The following ZNF341 variants were observed in gnomAD, a reference collection of about 807,000 sequenced individuals.
ZNF341 encodes the protein zinc finger protein 341.
Under a neutral mutation model 87.7 loss-of-function variants are expected in ZNF341, and 52 were observed. That is an observed-to-expected ratio of 0.59 (90% confidence interval 0.47 to 0.75). The LOEUF is 0.75. ZNF341 is among the 30% of genes least tolerant of loss of function. The probability of loss-of-function intolerance (pLI) is 0.00; values close to 1 mark genes in which losing one functional copy is unlikely to be tolerated. For missense variants in ZNF341, 977 were observed against 1,145.9 expected (o/e 0.85, Z 2.13); for synonymous variants, 459 against 472.7 (o/e 0.97, Z 0.38).
intron 7 of ZNF341, among the ~76,000 whole-genome samples, chr20:33,760,650 CCTT>C (rs1401759150): frequency 6.6e-6 from 1 of 151,952 alleles, no homozygotes; most frequent in African/African-American, 2.4e-5. Flanking sequence ...CTCAAGCAAT[CCTT>C]CTACCTCAGC....
chr20:33,770,247 G>GC lies in ZNF341; in HGVS notation c.1579dup (p.Leu527ProfsTer27). 7.0e-7 allele frequency: 1 copy of GC among 1,422,236 alleles called. No individual in the cohort carries two copies. Among genetic ancestry groups the GC allele is most frequent in the Non-Finnish European group, 9.4e-7 (1 of 1,058,634 alleles). 88.1% of individuals were successfully genotyped at this position (1,422,236 alleles called of 1,614,324 possible). Reference sequence around the variant, plus strand: ...CTGGGCGTGCACCAGTACTCCCACAGCCTCCTGCCACAGCACAGCCCCAAG... The same window carrying GC: ...CTGGGCGTGCACCAGTACTCCCACAGCCCTCCTGCCACAGCACAGCCCCAAG... On this transcript the variant is annotated frameshift_variant, in exon 10 of 15. Coordinates refer to ENST00000375200, the MANE Select transcript of ZNF341 (RefSeq NM_001282933.2). LOFTEE classifies it high-confidence loss of function.
rs1054392688 is a variant in ZNF341, at chr20:33,786,620, G to T, written c.1853-2243G>T. On this transcript the variant is annotated intron_variant, in intron 12 of 14. Coordinates refer to ENST00000375200, the MANE Select transcript of ZNF341 (RefSeq NM_001282933.2). ...AAGAAGGGAAAAGAAGTAATGCATT[G>T]TAAGTTTGATATTACCAAATTGCTC... 2.0e-5 allele frequency among the ~76,000 whole-genome samples: 3 copies of T among 152,154 alleles called. No individual in the cohort carries two copies. In the South Asian group the frequency reaches 6.2e-4, roughly 32 times the overall value.
chr20:33,779,651 G>A (rs934055098), intron 10 of ZNF341, among the ~76,000 whole-genome samples: 9 of 152,026 alleles, frequency 5.9e-5, no homozygotes, highest in African/African-American at 1.4e-4. Context: ...GGGTTTCACC[G>A]TATTGGCCAG....
At chr20:33,771,167 C>G (rs1335544028) in intron 10 of ZNF341, among the ~76,000 whole-genome samples, 1 of 152,024 alleles carries the variant, frequency 6.6e-6, no homozygotes, top group African/African-American at 2.4e-5. Context: ...TGTTTAAAAG[C>G]AAAGATCATA....
At chr20:33,766,280 C>T (rs913838908) in intron 8 of ZNF341, among the ~76,000 whole-genome samples, 19 of 151,996 alleles carry the variant, frequency 1.3e-4, no homozygotes, top group Admixed American at 1.1e-3. Flanking sequence ...CTGCAGCCTC[C>T]GCCTCCCAGG....
chr20:33,763,382 G>A (rs912201905), intron 8 of ZNF341, among the ~76,000 whole-genome samples: 2 of 152,162 alleles, frequency 1.3e-5, no homozygotes, highest in Non-Finnish European at 2.9e-5. Flanking sequence ...CACTGCAACC[G>A]CTGCCTTCCA....
chr20:33,784,492 G>A (rs2122733595), intron 12 of ZNF341, among the ~76,000 whole-genome samples: 1 of 106,670 alleles, frequency 9.4e-6, no homozygotes, highest in African/African-American at 3.9e-5. Context: ...CTCTCCCCTT[G>A]CTCCTCCTTC....
intron 14 of ZNF341, 43 bp downstream of exon 14, chr20:33,789,631 T>C: frequency 6.2e-7 from 1 of 1,600,354 alleles, no homozygotes. Flanking sequence ...GGTTCAGCTC[T>C]AGTTCACTGG....
At chr20:33,743,946 A>AGTCT (rs1242473864) in intron 2 of ZNF341, among the ~76,000 whole-genome samples, 6 of 152,238 alleles carry the variant, frequency 3.9e-5, no homozygotes, top group Non-Finnish European at 7.3e-5. Context: ...GTTATATGAT[A>AGTCT]GGTGTGCCAG....
At chr20:33,758,855 A>G in intron 7 of ZNF341, 49 bp downstream of exon 7, 11 of 1,539,686 alleles carry the variant, frequency 7.1e-6, no homozygotes, top group South Asian at 1.1e-5. Flanking sequence ...TGTGGCTGGG[A>G]CCATCTGTGC....
At chr20:33,750,754 T>A (rs1211297889) in intron 4 of ZNF341, among the ~76,000 whole-genome samples, 1 of 152,024 alleles carries the variant, frequency 6.6e-6, no homozygotes, top group African/African-American at 2.4e-5. Context: ...GATTCTCCTG[T>A]CTCAGCCTCC....
In ZNF341 at chr20:33,772,010, T is replaced by TAAAAAAAAAAAAAA. The variant is rs57345366; in HGVS notation, c.1622+1730_1622+1743dup. ...GCCTGAGCGACAGAGACGCTTGTCTTAAAAAAAAAAAAAAAAAAAAAAAAA... is the reference window on the plus strand; with the variant it reads ...GCCTGAGCGACAGAGACGCTTGTCTTAAAAAAAAAAAAAAAAAAAAAAAAAAAAAAAAAAAAAAA... On this transcript the variant is annotated intron_variant, in intron 10 of 14. Coordinates refer to ENST00000375200, the MANE Select transcript of ZNF341 (RefSeq NM_001282933.2). Among the ~76,000 whole-genome samples the TAAAAAAAAAAAAAA allele has an allele frequency of 9.3e-3, 522 of 56,136 alleles. 66 individuals are homozygous for TAAAAAAAAAAAAAA. Among genetic ancestry groups the TAAAAAAAAAAAAAA allele is most frequent in the African/African-American group, 0.016 (212 of 12,896 alleles). The allele number at this position is 56,136 out of a possible 152,430, so 36.8% of individuals were successfully genotyped here.
chr20:33,759,506 A>C (rs1025079546), intron 7 of ZNF341, among the ~76,000 whole-genome samples: 1 of 151,306 alleles, frequency 6.6e-6, no homozygotes, highest in Non-Finnish European at 1.5e-5. Flanking sequence ...CTGGTCTTGA[A>C]CTCCCAACCT....
intron 1 of ZNF341, among the ~76,000 whole-genome samples, chr20:33,739,963 C>G (rs1023484770): frequency 6.6e-6 from 1 of 152,154 alleles, no homozygotes; most frequent in East Asian, 1.9e-4. Flanking sequence ...CTCCTGGGTC[C>G]AAGTGATTCT....
chr20:33,732,255 G>C lies in ZNF341; in HGVS notation c.31+203G>C, dbSNP rs1446111206. ...GGGGAGCTCCGGGGCCGGAACAGCC[G>C]GGGAGAGCCAGGCCGGCGGGGAGGG... On this transcript the variant is annotated intron_variant, in intron 1 of 14. Coordinates refer to ENST00000375200, the MANE Select transcript of ZNF341 (RefSeq NM_001282933.2). This position sits in a 1 kb window ranked among gnomAD's most constrained non-coding sequence, Gnocchi z 4.5. 4.0e-5 allele frequency among the ~76,000 whole-genome samples: 6 copies of C among 150,518 alleles called. No homozygotes were observed. The highest frequency in any genetic ancestry group is 7.4e-5 in the Non-Finnish European group (5 of 67,430).
At chr20:33,733,988 G>T (rs1451075414) in intron 1 of ZNF341, among the ~76,000 whole-genome samples, 1 of 152,196 alleles carries the variant, frequency 6.6e-6, no homozygotes, top group African/African-American at 2.4e-5. Context: ...AATGGGGTGA[G>T]GCTTACTTTC....
intron 5 of ZNF341, among the ~76,000 whole-genome samples, chr20:33,755,736 G>C (rs2019162896): frequency 6.6e-6 from 1 of 151,828 alleles, no homozygotes; most frequent in African/African-American, 2.4e-5. Context: ...GGGACTACAG[G>C]CATGCACCAC....
At chr20:33,741,287 T>G (rs552675505) in intron 2 of ZNF341, among the ~76,000 whole-genome samples, 65 of 152,312 alleles carry the variant, frequency 4.3e-4, no homozygotes, top group Non-Finnish European at 5.0e-4. Context: ...CTGACAACAA[T>G]GCCTGTGCCT....
intron 4 of ZNF341, 53 bp from the exon 5 acceptor site, chr20:33,753,119 A>C: frequency 1.9e-6 from 3 of 1,609,646 alleles, no homozygotes; most frequent in East Asian, 2.2e-5. Flanking sequence ...CTTCCTGATA[A>C]ATAAGACAAC....
Sources: gnomAD v4.1 joint callset for allele counts (sites outside exome capture counted in the v4.1 genomes callset) on GRCh38, gnomAD v4.1.1 for gene constraint, Gnocchi (gnomAD v3.1) non-coding constraint, MANE v1.5 for transcripts, NCBI Gene and HGNC (gene_info 2026-07-23, HGNC 2026-07-21) for gene names.